The following ECT2L variants were observed in gnomAD, a reference collection of about 807,000 sequenced individuals.
ECT2L encodes the protein epithelial cell-transforming sequence 2 oncogene-like.
In ECT2L, 126 loss-of-function variants were observed where a neutral mutation model predicts 122.8. The ratio of observed to expected loss-of-function variants is 1.03; its 90% confidence interval spans 0.89 to 1.19. ECT2L has a LOEUF of 1.19. Ranked by LOEUF, ECT2L falls within the 50% of genes most tolerant of loss-of-function variation. ECT2L has a pLI of 0.00. For missense variants in ECT2L, 1,012 were observed against 1,064.1 expected, an observed-to-expected ratio of 0.95 and a Z score of 0.68; for synonymous variants, 385 against 381.8, an observed-to-expected ratio of 1.01 and a Z score of -0.10.
chr6:138,895,834 TGAG>T (rs1779189446), intron 20 of ECT2L, among the ~76,000 whole-genome samples: 1 of 152,100 alleles, frequency 6.6e-6, no homozygotes, highest in Non-Finnish European at 1.5e-5. Context: ...TGGCCATGTG[TGAG>T]CCACTGCACC....
chr6:138,847,355 C>CTTTTTTTTTTTTTTTTT lies in ECT2L; in HGVS notation c.903+695_903+711dup, dbSNP rs1170631663. On this transcript the variant is annotated intron_variant, in intron 8 of 21. Transcript: ENST00000541398. ...TTTGAAAAAGCATTAAAGGCCCAAA[C>CTTTTTTTTTTTTTTTTT]TTTTTTTTTTTTTTTTTTTTTTTTT... Among the ~76,000 whole-genome samples, 9 of 54,956 alleles carry CTTTTTTTTTTTTTTTTT rather than the reference C, an allele frequency of 1.6e-4. 3 individuals are homozygous for CTTTTTTTTTTTTTTTTT. Among genetic ancestry groups the CTTTTTTTTTTTTTTTTT allele is most frequent in the African/African-American group, 7.3e-4 (9 of 12,294 alleles). The allele number at this position is 54,956 out of a possible 152,430, so 36.1% of individuals were successfully genotyped here.
At chr6:138,838,639 C>T in intron 5 of ECT2L, 125 bp downstream of exon 5, 1 of 895,072 alleles carries the variant, frequency 1.1e-6, no homozygotes, top group South Asian at 2.8e-5. Flanking sequence ...ATTAACTTAC[C>T]CTTGAGAGAA....
chr6:138,811,460 C>G lies in ECT2L; in HGVS notation c.-243-1378C>G, dbSNP rs1387793227. Among the ~76,000 whole-genome samples the G allele has an allele frequency of 3.9e-5, 6 of 152,114 alleles. No homozygotes were observed. The East Asian group carries it at 5.8e-4, about 15-fold the overall frequency. On this transcript the variant is annotated intron_variant, in intron 1 of 21. Coordinates refer to ENST00000541398, the MANE Select transcript of ECT2L (RefSeq NM_001077706.3). ...TTTCCCCACAAATTATATGTTGAAG[C>G]CTTCACCCCCATTATTATTGTATTT...
At chr6:138,893,572 T>C (rs1779112910) in intron 20 of ECT2L, among the ~76,000 whole-genome samples, 1 of 151,734 alleles carries the variant, frequency 6.6e-6, no homozygotes, top group South Asian at 2.1e-4. Flanking sequence ...AGGTGCACGC[T>C]GTTACTGCTC....
At chr6:138,878,040 C>T (rs1778514168) in intron 14 of ECT2L, among the ~76,000 whole-genome samples, 1 of 152,080 alleles carries the variant, frequency 6.6e-6, no homozygotes, top group East Asian at 1.9e-4. Flanking sequence ...GTTAACTCAT[C>T]TTGGTGAAGA....
At chr6:138,856,196 CACCACAGCA>C (rs1316150041) in intron 10 of ECT2L, among the ~76,000 whole-genome samples, 1 of 2,232 alleles carries the variant, frequency 4.5e-4, no homozygotes, top group African/African-American at 9.9e-4. Context: ...CAAATACCCC[CACCACAGCA>C]ATTCTTTTTG....
chr6:138,807,151 T>C, intron 1 of ECT2L, among the ~76,000 whole-genome samples: 1 of 151,854 alleles, frequency 6.6e-6, no homozygotes, highest in Non-Finnish European at 1.5e-5. Context: ...GGTTGTATTT[T>C]TTTGTGGAGA....
At chr6:138,884,703 T>C (rs1340116030) in intron 16 of ECT2L, among the ~76,000 whole-genome samples, 2 of 152,120 alleles carry the variant, frequency 1.3e-5, no homozygotes, top group South Asian at 2.1e-4. Context: ...AATATTACTA[T>C]GGAAAACGTA....
intron 16 of ECT2L, 144 bp from the exon 17 acceptor site, chr6:138,885,362 T>C (rs529991167): frequency 2.2e-5 from 16 of 711,490 alleles, no homozygotes; most frequent in African/African-American, 2.1e-4. Flanking sequence ...AAGACACCAA[T>C]GGCACTACTA....
At chr6:138,838,841 T>G (rs912780908) in intron 5 of ECT2L, among the ~76,000 whole-genome samples, 2 of 152,204 alleles carry the variant, frequency 1.3e-5, no homozygotes, top group Non-Finnish European at 2.9e-5. Flanking sequence ...TGCAGTGGCG[T>G]GATCTCAGCT....
rs1778630040 is a variant in ECT2L at position 138,881,087 on chromosome 6, C to G, written c.1796C>G (p.Ala599Gly). The G allele has an allele frequency of 3.1e-6, 5 of 1,614,058 alleles. No homozygotes were observed. The highest frequency in any genetic ancestry group is 3.3e-5 in the Admixed American group (2 of 59,992). The change falls in exon 15 of 22, where the codon GCA becomes GGA. Residue 599 changes from alanine to glycine, a missense_variant. By Grantham distance (60) the Ala-to-Gly change is moderately conservative. Transcript: ENST00000541398. ...RDVYVAPLKA[A>G]LSSNRAILSA... is the part of the protein sequence containing the mutation. ...GTTTATGTCGCACCACTGAAAGCAGCATTGTCATCAAACAGAGCGATTCTG... is the reference window on the plus strand; with the variant it reads ...GTTTATGTCGCACCACTGAAAGCAGGATTGTCATCAAACAGAGCGATTCTG...
intron 1 of ECT2L, among the ~76,000 whole-genome samples, chr6:138,806,511 C>CTTCTTTTTTTT (rs530723007): frequency 1.2e-4 from 11 of 89,666 alleles, no homozygotes; most frequent in African/African-American, 1.9e-4. Flanking sequence ...AAAATTCACG[C>CTTCTTTTTTTT]TTTTTTTTTT....
intron 9 of ECT2L, among the ~76,000 whole-genome samples, chr6:138,849,833 G>C (rs1057486920): frequency 6.6e-6 from 1 of 151,668 alleles, no homozygotes; most frequent in Non-Finnish European, 1.5e-5. Flanking sequence ...GGATTACAGG[G>C]GTGAGCCACC....
At chr6:138,884,699 A>T (rs1778753517) in intron 16 of ECT2L, among the ~76,000 whole-genome samples, 1 of 152,226 alleles carries the variant, frequency 6.6e-6, no homozygotes, top group Admixed American at 6.5e-5. Flanking sequence ...AATAAATATT[A>T]CTATGGAAAA....
At chr6:138,839,931 A>G (rs1776978688) in intron 5 of ECT2L, among the ~76,000 whole-genome samples, 1 of 152,268 alleles carries the variant, frequency 6.6e-6, no homozygotes, top group East Asian at 1.9e-4. Flanking sequence ...AAATTCATTT[A>G]CCTTCCTCTC....
intron 11 of ECT2L, among the ~76,000 whole-genome samples, chr6:138,864,691 A>C (rs1383978796): frequency 6.6e-6 from 1 of 152,232 alleles, no homozygotes; most frequent in Non-Finnish European, 1.5e-5. Context: ...ATTCTTCCTC[A>C]GATGACAGCT....
chr6:138,888,806 G>A, intron 19 of ECT2L, 137 bp from the exon 20 acceptor site: 1 of 347,596 alleles, frequency 2.9e-6, no homozygotes, highest in Non-Finnish European at 5.1e-6. Flanking sequence ...TTCATAAACA[G>A]TGAAAATATT....
At position 138,846,670 on chromosome 6, in the gene ECT2L, C is replaced by A; in HGVS notation, c.896C>A (p.Ala299Glu). The A allele has an allele frequency of 6.3e-7, 1 of 1,596,076 alleles. No individual in the cohort carries two copies. The highest frequency in any genetic ancestry group is 8.5e-7 in the Non-Finnish European group (1 of 1,172,576). The change falls in exon 8 of 22, where the codon GCG becomes GAG. Residue 299 changes from alanine to glutamate, a missense_variant. Physicochemically the swap from Ala to Glu is moderately radical, Grantham distance 107 (BLOSUM62 -1). Coordinates refer to ENST00000541398, the MANE Select transcript of ECT2L (RefSeq NM_001077706.3). ...ATGTTAATATCATCCCGGATTCCTGCGTATGAGGTAGAGTATGTTATGAGG... is the reference window on the plus strand; with the variant it reads ...ATGTTAATATCATCCCGGATTCCTGAGTATGAGGTAGAGTATGTTATGAGG... Reference protein sequence around the residue: ...HFMLISSRIPAYEMVMESVKA... With the variant: ...HFMLISSRIPEYEMVMESVKA...
At chr6:138,816,290 G>C (rs753504124) in intron 4 of ECT2L, among the ~76,000 whole-genome samples, 1 of 152,104 alleles carries the variant, frequency 6.6e-6, no homozygotes, top group Non-Finnish European at 1.5e-5. Flanking sequence ...ACTCAGGCCT[G>C]ACTTTTTGTC....
Sources: gnomAD v4.1 joint callset for allele counts (sites outside exome capture counted in the v4.1 genomes callset) on GRCh38, gnomAD v4.1.1 for gene constraint, MANE v1.5 for transcripts, NCBI Gene and HGNC (gene_info 2026-07-23, HGNC 2026-07-21) for gene names.